The following CDC73 variants were observed in gnomAD, a reference collection of about 807,000 sequenced individuals.
The protein encoded by CDC73 is parafibromin.
CDC73 carries 21 observed loss-of-function variants against 83.7 expected under a neutral mutation model. The observed-to-expected ratio is 0.25, with a 90% CI of 0.18 to 0.36. The LOEUF is 0.36. Ranked by LOEUF, CDC73 falls within the 10% of genes least tolerant of loss-of-function variation. The probability of loss-of-function intolerance (pLI) is 1.00; values close to 1 mark genes in which losing one functional copy is unlikely to be tolerated. For synonymous variants in CDC73, 224 were observed against 212.9 expected (o/e 1.05, Z -0.45); for missense variants, 342 against 653.3 (o/e 0.52, Z 5.19).
At chr1:193,125,548 C>T (rs1378000344) in intron 2 of CDC73, among the ~76,000 whole-genome samples, 1 of 152,074 alleles carries the variant, frequency 6.6e-6, no homozygotes, top group African/African-American at 2.4e-5. Context: ...TGGCATGAAT[C>T]ACTGTGCCTG....
intron 5 of CDC73, among the ~76,000 whole-genome samples, chr1:193,135,952 T>C (rs1350086137): frequency 6.6e-6 from 1 of 150,782 alleles, no homozygotes; most frequent in Non-Finnish European, 1.5e-5. Context: ...TATTGTAGCC[T>C]CGACCTCCGG....
intron 15 of CDC73, among the ~76,000 whole-genome samples, chr1:193,240,097 G>T (rs1209208218): frequency 6.6e-6 from 1 of 151,996 alleles, no homozygotes; most frequent in Non-Finnish European, 1.5e-5. Context: ...CCACATAAAA[G>T]TGAGAACATA....
intron 10 of CDC73, among the ~76,000 whole-genome samples, chr1:193,156,203 C>G (rs1676204681): frequency 6.6e-6 from 1 of 152,164 alleles, no homozygotes; most frequent in East Asian, 1.9e-4. Context: ...TCACAGTTCA[C>G]TCTTATTAGT....
chr1:193,169,963 G>A (rs1171301784), intron 10 of CDC73, among the ~76,000 whole-genome samples: 2 of 151,842 alleles, frequency 1.3e-5, no homozygotes, highest in Non-Finnish European at 2.9e-5. Flanking sequence ...TCCACCCTCC[G>A]ACAGGCCCCA....
intron 10 of CDC73, among the ~76,000 whole-genome samples, chr1:193,184,358 CT>C (rs1164207789): frequency 5.9e-5 from 9 of 151,776 alleles, no homozygotes; most frequent in Non-Finnish European, 1.5e-5. Flanking sequence ...CAGTTATTGC[CT>C]GTTGTATTTT....
At chr1:193,158,940 A>G (rs891202151) in intron 10 of CDC73, among the ~76,000 whole-genome samples, 5 of 103,846 alleles carry the variant, frequency 4.8e-5, no homozygotes, top group Admixed American at 1.1e-4. Flanking sequence ...GTATTAACAT[A>G]TTATCTGTTG....
chr1:193,192,084 C>T (rs1676929470), intron 10 of CDC73, among the ~76,000 whole-genome samples: 1 of 151,828 alleles, frequency 6.6e-6, no homozygotes, highest in Non-Finnish European at 1.5e-5. Flanking sequence ...GCATAGTTAC[C>T]CTAATATAAA....
chr1:193,152,149 C>T (rs1676124987), intron 9 of CDC73, among the ~76,000 whole-genome samples: 1 of 152,080 alleles, frequency 6.6e-6, no homozygotes, highest in Admixed American at 6.5e-5. Flanking sequence ...TAACCAGCTT[C>T]TATACAATAG....
In CDC73 at chr1:193,142,664, T is replaced by A. The variant is rs185594122; in HGVS notation, c.729+598T>A. ...CTCTCTTTCTCCTCCCGTTTCCCTC[T>A]CTTCCTCCTTCCCTCACTTCCTTTT... On this transcript the variant is annotated intron_variant, in intron 7 of 16. Transcript: ENST00000367435. Among the ~76,000 whole-genome samples, 12 of 152,194 alleles carry A rather than the reference T, an allele frequency of 7.9e-5. No homozygotes were observed. In the East Asian group the frequency reaches 2.3e-3, roughly 29 times the overall value.
At chr1:193,161,578 T>TATAATATATAATAG (rs1240868118) in intron 10 of CDC73, among the ~76,000 whole-genome samples, 1 of 125,536 alleles carries the variant, frequency 8.0e-6, no homozygotes, top group East Asian at 2.1e-4. Flanking sequence ...TATATTATTA[T>TATAATATATAATAG]ATAATATATA....
At position 193,236,341 on chromosome 1, in the gene CDC73, G is replaced by T. The variant is rs1677757493; in HGVS notation, c.1402G>T (p.Asp468Tyr). 3 of 1,602,216 alleles carry T rather than the reference G, an allele frequency of 1.9e-6. No individual in the cohort carries two copies. The highest frequency in any genetic ancestry group is 2.6e-6 in the Non-Finnish European group (3 of 1,169,196). ...PWLLPDGSPVDIFAKIKAFHL... is the reference protein window; with the variant it reads ...PWLLPDGSPVYIFAKIKAFHL... ...GCTTTTGCCTGATGGATCACCAGTT[G>T]ATATATTTGCTAAAAGTAAGATTCT... Residue 468 changes from aspartate to tyrosine, a missense_variant, in exon 15 of 17, where the codon GAT becomes TAT. Asp to Tyr is a radical substitution (Grantham distance 160). Transcript: ENST00000367435.
intron 15 of CDC73, among the ~76,000 whole-genome samples, chr1:193,240,204 C>CT (rs1423727747): frequency 6.6e-6 from 1 of 152,126 alleles, no homozygotes; most frequent in African/African-American, 2.4e-5. Context: ...GGATTTCATT[C>CT]TTTTTTATGG....
At chr1:193,130,882 C>A (rs1249300641) in intron 3 of CDC73, among the ~76,000 whole-genome samples, 1 of 152,154 alleles carries the variant, frequency 6.6e-6, no homozygotes, top group Non-Finnish European at 1.5e-5. Context: ...TTTGGAACAC[C>A]AGCCTCTTGG....
chr1:193,246,409 C>T (rs1677954659), intron 15 of CDC73, among the ~76,000 whole-genome samples: 2 of 151,930 alleles, frequency 1.3e-5, no homozygotes, highest in Non-Finnish European at 2.9e-5. Context: ...TTTGCAGATG[C>T]CATGATCTTA....
rs148274050 is a variant in CDC73, at chr1:193,125,546, A to G, written c.237+329A>G. Among the ~76,000 whole-genome samples the G allele has an allele frequency of 4.7e-5, 7 of 150,414 alleles. No homozygotes were observed. The East Asian group carries it at 1.4e-3, about 30-fold the overall frequency. Reference sequence around the variant, plus strand: ...CGAAGTGCTGGGATTACTGGCATGAATCACTGTGCCTGGCCAATAATTCAT... The same window carrying G: ...CGAAGTGCTGGGATTACTGGCATGAGTCACTGTGCCTGGCCAATAATTCAT... On this transcript the variant is annotated intron_variant, in intron 2 of 16. Coordinates refer to ENST00000367435, the MANE Select transcript of CDC73 (RefSeq NM_024529.5).
At chr1:193,182,918 ACTT>A (rs1267358215) in intron 10 of CDC73, among the ~76,000 whole-genome samples, 1 of 152,074 alleles carries the variant, frequency 6.6e-6, no homozygotes, top group Non-Finnish European at 1.5e-5. Context: ...TATGAAAATT[ACTT>A]CTTTAAGCAA....
intron 14 of CDC73, among the ~76,000 whole-genome samples, chr1:193,235,897 T>G: frequency 6.6e-6 from 1 of 152,222 alleles, no homozygotes; most frequent in Admixed American, 6.5e-5. Flanking sequence ...TTTTGATTAA[T>G]AGTTATCAAC....
At chr1:193,169,999 C>G (rs1676493546) in intron 10 of CDC73, among the ~76,000 whole-genome samples, 1 of 152,080 alleles carries the variant, frequency 6.6e-6, no homozygotes, top group African/African-American at 2.4e-5. Context: ...CTCTATGTAT[C>G]TGTGTATTAT....
intron 10 of CDC73, among the ~76,000 whole-genome samples, chr1:193,164,489 A>G (rs1321174082): frequency 6.6e-6 from 1 of 152,184 alleles, no homozygotes; most frequent in Non-Finnish European, 1.5e-5. Flanking sequence ...GATAAATGTA[A>G]TTAACAAGGG....
Sources: gnomAD v4.1 joint callset for allele counts (sites outside exome capture counted in the v4.1 genomes callset) on GRCh38, gnomAD v4.1.1 for gene constraint, MANE v1.5 for transcripts, NCBI Gene and HGNC (gene_info 2026-07-23, HGNC 2026-07-21) for gene names.